The following PRKG1 variants were observed in gnomAD, a reference collection of about 807,000 sequenced individuals.
PRKG1 encodes protein kinase cGMP-dependent 1.
In PRKG1, 35 loss-of-function variants were observed where a neutral mutation model predicts 88.1. The ratio of observed to expected loss-of-function variants is 0.40; its 90% CI spans 0.30 to 0.53. PRKG1 has a LOEUF of 0.53. Ranked by LOEUF, PRKG1 falls within the 20% of genes least tolerant of loss-of-function variation. The probability of loss-of-function intolerance (pLI) is 0.59; values close to 1 mark genes in which losing one functional copy is unlikely to be tolerated. For missense variants in PRKG1, 540 were observed against 839.8 expected (o/e 0.64, Z 4.41); for synonymous variants, 303 against 292.5 (o/e 1.04, Z -0.37).
chr10:51,093,747 A>T (rs989850259), intron 1 of PRKG1, among the ~76,000 whole-genome samples: 4 of 144,896 alleles, frequency 2.8e-5, no homozygotes, highest in Non-Finnish European at 1.5e-5. Context: ...ATATATATTT[A>T]TATGTATATA....
chr10:52,031,411 A>C (rs186946425), intron 5 of PRKG1, among the ~76,000 whole-genome samples: 22 of 152,304 alleles, frequency 1.4e-4, no homozygotes, highest in Non-Finnish European at 2.4e-4. Flanking sequence ...TCATCTGAAA[A>C]ATGGAGATAA....
intron 3 of PRKG1, among the ~76,000 whole-genome samples, chr10:51,778,338 A>C (rs576373559): frequency 6.6e-6 from 1 of 152,222 alleles, no homozygotes; most frequent in East Asian, 1.9e-4. Flanking sequence ...CCTGCTCAAT[A>C]CTGACTAATT....
At position 51,465,760 on chromosome 10, in the gene PRKG1, A is replaced by G. The variant is rs573655236; in HGVS notation, c.479-1963A>G. On this transcript the variant is annotated intron_variant, in intron 2 of 17. Transcript: ENST00000373980. ...GGAAATTAAAAACCTCTATTACCCT[A>G]TATTGTTCTTGGTTAGTTTCTGTAG... Among the ~76,000 whole-genome samples, 3 of 152,248 alleles carry G rather than the reference A, an allele frequency of 2.0e-5. No individual in the cohort carries two copies. In the East Asian group the frequency reaches 5.8e-4, roughly 29 times the overall value.
At chr10:51,369,047 G>C (rs1842646803) in intron 2 of PRKG1, among the ~76,000 whole-genome samples, 3 of 152,046 alleles carry the variant, frequency 2.0e-5, no homozygotes, top group African/African-American at 7.2e-5. Context: ...CTAAAAGTGA[G>C]ATTATATACC....
intron 2 of PRKG1, among the ~76,000 whole-genome samples, chr10:51,465,310 C>G (rs1418313766): frequency 6.6e-6 from 1 of 152,096 alleles, no homozygotes; most frequent in African/African-American, 2.4e-5. Context: ...TGGTTTTACT[C>G]GCATGGCCCA....
intron 3 of PRKG1, among the ~76,000 whole-genome samples, chr10:51,539,880 G>A (rs1842257608): frequency 6.6e-6 from 1 of 152,054 alleles, no homozygotes; most frequent in African/African-American, 2.4e-5. Flanking sequence ...AAAAATCAAT[G>A]GGAATTATTT....
intron 3 of PRKG1, among the ~76,000 whole-genome samples, chr10:51,667,624 G>A (rs1389595410): frequency 1.3e-5 from 2 of 152,190 alleles, no homozygotes; most frequent in African/African-American, 2.4e-5. Context: ...CCTACTGAGT[G>A]AGCATCGTAG....
intron 2 of PRKG1, among the ~76,000 whole-genome samples, chr10:51,460,555 A>G (rs1264114208): frequency 2.0e-5 from 3 of 152,188 alleles, no homozygotes; most frequent in Admixed American, 6.5e-5. Context: ...CACTGGATCT[A>G]TGGCCTGTCT....
Position 51,754,172 on chromosome 10 carries a change from C to A in PRKG1, c.593-50413C>A, listed in dbSNP as rs543038733. On this transcript the variant is annotated intron_variant, in intron 3 of 17. Coordinates refer to ENST00000373980, the MANE Select transcript of PRKG1 (RefSeq NM_006258.4). ...TTAGTTTGATAATGATTGTTAGAGT[C>A]CCTGATGAAAGTCTTACTCAGGCAG... Among the ~76,000 whole-genome samples the A allele has an allele frequency of 7.2e-5, 11 of 152,210 alleles. No individual in the cohort carries two copies. In the South Asian group the frequency reaches 1.5e-3, roughly 20 times the overall value.
In PRKG1 at chr10:52,272,459, C is replaced by A. The variant is rs748029577; in HGVS notation, c.1381C>A (p.Leu461Ile). 1 of 1,609,392 alleles carries A rather than the reference C, an allele frequency of 6.2e-7. No homozygotes were observed. The highest frequency in any genetic ancestry group is 8.5e-7 in the Non-Finnish European group (1 of 1,176,560). ...GATGGAAGCTTGTCTAGGTGGAGAG[C>A]TCTGGACCATTCTCAGGGATAGGTA... ...MLMEACLGGE[L>I]WTILRDRGSF... The change falls in exon 12 of 18, where the codon CTC becomes ATC. Residue 461 changes from leucine to isoleucine, a missense_variant. This residue lies in a region of PRKG1 where 400 missense variants were observed against 562.7 expected (regional missense o/e 0.71). Coordinates refer to ENST00000373980, the MANE Select transcript of PRKG1 (RefSeq NM_006258.4).
chr10:51,509,833 G>A (rs1435363377), intron 3 of PRKG1, among the ~76,000 whole-genome samples: 1 of 152,182 alleles, frequency 6.6e-6, no homozygotes, highest in Non-Finnish European at 1.5e-5. Context: ...CTAGTGTTAG[G>A]ATTAAAGTCC....
At chr10:51,708,837 C>CCTG (rs1841672715) in intron 3 of PRKG1, among the ~76,000 whole-genome samples, 1 of 152,136 alleles carries the variant, frequency 6.6e-6, no homozygotes, top group African/African-American at 2.4e-5. Context: ...CCTTCCAGGT[C>CCTG]ATGGAGAGGT....
intron 1 of PRKG1, among the ~76,000 whole-genome samples, chr10:51,110,555 T>C (rs1369323298): frequency 6.6e-6 from 1 of 152,100 alleles, no homozygotes; most frequent in Non-Finnish European, 1.5e-5. Flanking sequence ...TGGAAGAGGC[T>C]ACAAAGTGTC....
intron 2 of PRKG1, among the ~76,000 whole-genome samples, chr10:51,205,994 G>A (rs966785733): frequency 6.6e-6 from 1 of 152,092 alleles, no homozygotes; most frequent in Non-Finnish European, 1.5e-5. Context: ...TAAATTTTCT[G>A]CCTGTAATGA....
intron 2 of PRKG1, among the ~76,000 whole-genome samples, chr10:51,179,791 C>T (rs1017370514): frequency 5.9e-5 from 9 of 152,224 alleles, no homozygotes; most frequent in African/African-American, 1.9e-4. Context: ...CCAAAAGTTC[C>T]AGTGCTTGTT....
chr10:52,293,017 G>A (rs1321716916), intron 17 of PRKG1, among the ~76,000 whole-genome samples: 1 of 152,068 alleles, frequency 6.6e-6, no homozygotes, highest in Admixed American at 6.6e-5. Context: ...AAACCCCATT[G>A]TCTCAGCCCA....
intron 5 of PRKG1, among the ~76,000 whole-genome samples, chr10:52,019,471 T>C (rs921293303): frequency 2.0e-5 from 3 of 152,228 alleles, no homozygotes; most frequent in African/African-American, 7.2e-5. Flanking sequence ...TAGAGAAAGA[T>C]TTATAGTTCC....
At chr10:51,604,916 A>C (rs184384315) in intron 3 of PRKG1, among the ~76,000 whole-genome samples, 27 of 152,338 alleles carry the variant, frequency 1.8e-4, no homozygotes, top group African/African-American at 6.0e-4. Flanking sequence ...ACAGGGGGCC[A>C]TTGTGACAGC....
intron 1 of PRKG1, among the ~76,000 whole-genome samples, chr10:51,034,310 C>G (rs1284878588): frequency 6.6e-6 from 1 of 152,002 alleles, no homozygotes; most frequent in Admixed American, 6.6e-5. Context: ...GAGTTGATAT[C>G]TTTATTCCTC....
Sources: allele counts gnomAD v4.1 joint callset (sites outside exome capture counted in the v4.1 genomes callset), GRCh38; gene constraint gnomAD v4.1.1; regional missense constraint gnomAD v4.1.1; transcripts MANE v1.5; gene names NCBI Gene and HGNC (gene_info 2026-07-23, HGNC 2026-07-21).